The following HIC1 variants were observed in gnomAD, a reference collection of about 807,000 sequenced individuals.
The protein encoded by HIC1 is hypermethylated in cancer 1 protein.
In HIC1, 9 loss-of-function variants were observed where a neutral mutation model predicts 26.4. The ratio of observed to expected loss-of-function variants is 0.34; its 90% confidence interval spans 0.21 to 0.59. HIC1 has a LOEUF of 0.59. Ranked by LOEUF, HIC1 falls within the 20% of genes least tolerant of loss-of-function variation. The probability of loss-of-function intolerance (pLI) is 0.82; values close to 1 mark genes in which losing one functional copy is unlikely to be tolerated. For missense variants in HIC1, 965 were observed against 1,075.7 expected, an observed-to-expected ratio of 0.90 and a Z score of 1.44; for synonymous variants, 631 against 523.1, an observed-to-expected ratio of 1.21 and a Z score of -2.81.
chr17:2,058,484 C>A lies in HIC1; in HGVS notation c.1794C>A (p.Gly598=), dbSNP rs1173670769. The change falls in exon 2 of 2, where the codon GGC becomes GGA. Residue 598 remains glycine, a synonymous_variant. Coordinates refer to ENST00000619757, the MANE Select transcript of HIC1 (RefSeq NM_006497.4). ...ACATGAAGATGCACGCCGTGGGGGG[C>A]GCGGCCGGCGCGGCCGGGGCGCTGG... ...ISHMKMHAVG[G]AAGAAGALAG... The A allele has an allele frequency of 2.7e-6, 4 of 1,475,450 alleles. No individual in the cohort carries two copies. Among genetic ancestry groups the A allele is most frequent in the Non-Finnish European group, 8.9e-7 (1 of 1,122,646 alleles). 91.4% of individuals were successfully genotyped at this position (1,475,450 alleles called of 1,614,324 possible).
In HIC1 at chr17:2,061,704, G is replaced by A. The variant is rs945435028; in HGVS notation, c.*2869G>A. The stretch of plus-strand genomic sequence containing the variant: ...TGCTCTTCTCACCCTGGAGAATGTG[G>A]TCCTGGGGAGGGGGTGCCACGCTAG... On this transcript the variant is annotated 3_prime_UTR_variant, in exon 2 of 2. Coordinates refer to ENST00000619757, the MANE Select transcript of HIC1 (RefSeq NM_006497.4). 2.7e-6 allele frequency: 4 copies of A among 1,462,642 alleles called. No homozygotes were observed. The African/African-American group carries it at 4.2e-5, about 15-fold the overall frequency. 90.6% of individuals were successfully genotyped at this position (1,462,642 alleles called of 1,614,324 possible).
chr17:2,056,961 G>T lies in HIC1; in HGVS notation c.271G>T (p.Ala91Ser), dbSNP rs756281134. The T allele has an allele frequency of 6.3e-7, 1 of 1,596,654 alleles. No individual in the cohort carries two copies. The highest frequency in any genetic ancestry group is 1.1e-5 in the South Asian group (1 of 89,186). The part of the protein sequence containing the change: ...FIYTGRLADG[A>S]EAAAAAAVAP... ...CTACACCGGCCGCCTGGCTGACGGC[G>T]CAGAGGCGGCTGCGGCCGCGGCCGT... Residue 91 changes from alanine to serine, a missense_variant, in exon 2 of 2, where the codon GCA becomes TCA. Physicochemically the swap from Ala to Ser is moderately conservative, Grantham distance 99 (BLOSUM62 1). Coordinates refer to ENST00000619757, the MANE Select transcript of HIC1 (RefSeq NM_006497.4).
In HIC1 at chr17:2,057,929, C is replaced by T. The variant is rs199689510; in HGVS notation, c.1239C>T (p.Phe413=). ...TGGCCTATGGCGAGCCCGAGAGCTT[C>T]GGTGACAACCTGTACGTGTGCATTC... ...PHLAYGEPES[F]GDNLYVCIPC... The change falls in exon 2 of 2, where the codon TTC becomes TTT. Residue 413 remains phenylalanine, a synonymous_variant. Transcript: ENST00000619757. 2.1e-4 allele frequency: 334 copies of T among 1,609,908 alleles called. 1 individual carries two copies. In the East Asian group the frequency reaches 2.9e-3, roughly 14 times the overall value.
chr17:2,061,365 G>T lies in HIC1; in HGVS notation c.*2530G>T. The T allele has an allele frequency of 1.1e-6, 1 of 941,594 alleles. No homozygotes were observed. The highest frequency in any genetic ancestry group is 1.6e-6 in the Non-Finnish European group (1 of 637,522). The allele number at this position is 941,594 out of a possible 1,614,324, so 58.3% of individuals were successfully genotyped here. A position where few individuals can be genotyped will look rare whatever the true frequency, so the allele number is the denominator to read the frequency against. ...CCACAGCATGGCCGTGGCGTGGGTT[G>T]GAAGAGGATGGTTTATTGTCTGGGT... is the stretch of plus-strand genomic sequence containing the variant. On this transcript the variant is annotated 3_prime_UTR_variant, in exon 2 of 2. Transcript: ENST00000619757.
At position 2,062,000 on chromosome 17, in the gene HIC1, C is replaced by T. The variant is rs73976191; in HGVS notation, c.*3165C>T. ...TCACAACACCGCTCTCCCCACACCC[C>T]ACTTTTTTTTTTTTAACAAGTCCTC... On this transcript the variant is annotated 3_prime_UTR_variant, in exon 2 of 2. Coordinates refer to ENST00000619757, the MANE Select transcript of HIC1 (RefSeq NM_006497.4). The T allele has an allele frequency of 0.014, 2,271 of 160,942 alleles. 63 individuals carry two copies. The highest frequency in any genetic ancestry group is 0.052 in the African/African-American group (2,171 of 41,624). 10.0% of individuals were successfully genotyped at this position (160,942 alleles called of 1,614,324 possible). A position where few individuals can be genotyped will look rare whatever the true frequency, so the allele number is the denominator to read the frequency against.
In HIC1 at chr17:2,057,007, G is replaced by T; in HGVS notation, c.317G>T (p.Ser106Ile). Residue 106 changes from serine to isoleucine, a missense_variant, in exon 2 of 2, where the codon AGC becomes ATC. Ser to Ile is a moderately radical substitution (Grantham distance 142). This residue lies in a region of HIC1 where 526 missense variants were observed against 525.0 expected (regional missense o/e 1.00). Coordinates refer to ENST00000619757, the MANE Select transcript of HIC1 (RefSeq NM_006497.4). ...GCCGTGGCCCCGGGGGCTGAGCCGA[G>T]CCTGGGCGCCGTGCTGGCCGCCGCC... is the stretch of plus-strand genomic sequence containing the variant. ...AAAVAPGAEP[S>I]LGAVLAAASY... The T allele has an allele frequency of 6.6e-7, 1 of 1,509,470 alleles. No homozygotes were observed. The highest frequency in any genetic ancestry group is 8.8e-7 in the Non-Finnish European group (1 of 1,134,010). The allele number at this position is 1,509,470 out of a possible 1,614,324, so 93.5% of individuals were successfully genotyped here.
In HIC1 at chr17:2,058,424, C is replaced by T. The variant is rs1414876849; in HGVS notation, c.1734C>T (p.Gly578=). 2 of 1,606,312 alleles carry T rather than the reference C, an allele frequency of 1.2e-6. No individual in the cohort carries two copies. Among genetic ancestry groups the T allele is most frequent in the East Asian group, 2.2e-5 (1 of 44,448 alleles). ...AGCCCTACGAGTGCCAGGTGTGCGG[C>T]GGCAAGTTCGCACAGCAACGCAACC... The part of the protein sequence containing the change: ...GEKPYECQVC[G]GKFAQQRNLI... The change falls in exon 2 of 2, where the codon GGC becomes GGT. Residue 578 remains glycine, a synonymous_variant. Transcript: ENST00000619757.
intron 1 of HIC1, chr17:2,056,305 C>T: frequency 6.2e-6 from 10 of 1,613,036 alleles, no homozygotes; most frequent in Non-Finnish European, 7.6e-6. Context: ...AGTTCTCCGC[C>T]CTGAATGACT....
Position 2,058,616 on chromosome 17 carries a change from C to CCT in HIC1, c.1927_1928dup (p.Lys644Ter). 6.4e-7 allele frequency: 1 copy of CCT among 1,560,728 alleles called. No homozygotes were observed. The highest frequency in any genetic ancestry group is 8.6e-7 in the Non-Finnish European group (1 of 1,160,948). On this transcript the variant is annotated frameshift_variant, in exon 2 of 2. Transcript: ENST00000619757. LOFTEE classifies it high-confidence loss of function. Reference sequence around the variant, plus strand: ...CTCGCCTCACGGCCGAGCAGCTGAGCCTGAAGCAGCAGGACAAGGCGGCCG... The same window carrying CCT: ...CTCGCCTCACGGCCGAGCAGCTGAGCCTCTGAAGCAGCAGGACAAGGCGGCCG...
chr17:2,062,209 G>A lies in HIC1; in HGVS notation c.*3374G>A, dbSNP rs956428799. The A allele has an allele frequency of 6.6e-6, 1 of 152,604 alleles. No individual in the cohort carries two copies. Among genetic ancestry groups the A allele is most frequent in the African/African-American group, 2.4e-5 (1 of 41,454 alleles). The allele number at this position is 152,604 out of a possible 1,614,324, so 9.5% of individuals were successfully genotyped here. ...GGCACACCAAGGCTTTGGCCAACCG[G>A]TCGCCCCTGCTAAGTAACAGTAATC... On this transcript the variant is annotated 3_prime_UTR_variant, in exon 2 of 2. Transcript: ENST00000619757.
chr17:2,056,157 G>A (rs577309045), intron 1 of HIC1: 2 of 557,492 alleles, frequency 3.6e-6, no homozygotes, highest in African/African-American at 3.9e-5. Context: ...CCCGACCGAG[G>A]GTTGACAGCC....
rs1418172148 is a variant in HIC1, at chr17:2,060,710, G to A, written c.*1875G>A. 2 of 152,470 alleles carry A rather than the reference G, an allele frequency of 1.3e-5. No individual in the cohort carries two copies. The highest frequency in any genetic ancestry group is 4.8e-5 in the African/African-American group (2 of 41,426). The allele number at this position is 152,470 out of a possible 1,614,324, so 9.4% of individuals were successfully genotyped here. A position where few individuals can be genotyped will look rare whatever the true frequency, so the allele number is the denominator to read the frequency against. On this transcript the variant is annotated 3_prime_UTR_variant, in exon 2 of 2. Coordinates refer to ENST00000619757, the MANE Select transcript of HIC1 (RefSeq NM_006497.4). ...GAAGAGGAAGCTAGACGGAAAGAAA[G>A]GCCAGTGAGGAGAGAGGGAGCAGGT...
chr17:2,059,195 C>A lies in HIC1; in HGVS notation c.*360C>A. On this transcript the variant is annotated 3_prime_UTR_variant, in exon 2 of 2. Coordinates refer to ENST00000619757, the MANE Select transcript of HIC1 (RefSeq NM_006497.4). ...GTGTCACTGTCGGGGCACTCCTAGC[C>A]CTACCTCCGGCCCTTGCGACCACAC... 1 of 235,874 alleles carries A rather than the reference C, an allele frequency of 4.2e-6. No individual in the cohort carries two copies. The highest frequency in any genetic ancestry group is 9.6e-5 in the East Asian group (1 of 10,466). The allele number at this position is 235,874 out of a possible 1,614,324, so 14.6% of individuals were successfully genotyped here. A position where few individuals can be genotyped will look rare whatever the true frequency, so the allele number is the denominator to read the frequency against.
At position 2,058,100 on chromosome 17, in the gene HIC1, C is replaced by G; in HGVS notation, c.1410C>G (p.Gly470=). Residue 470 remains glycine (G), a synonymous_variant, in exon 2 of 2, where the codon GGC becomes GGG. Transcript: ENST00000619757. ...AAGLGPPFGG[G]GDKVAGAPGG... ...GCCTAGGGCCCCCTTTTGGAGGCGGCGGGGACAAGGTCGCCGGGGCTCCGG... is the reference window on the plus strand; with the variant it reads ...GCCTAGGGCCCCCTTTTGGAGGCGGGGGGGACAAGGTCGCCGGGGCTCCGG... The G allele has an allele frequency of 6.3e-7, 1 of 1,592,304 alleles. No individual in the cohort carries two copies. Among genetic ancestry groups the G allele is most frequent in the Non-Finnish European group, 8.5e-7 (1 of 1,172,712 alleles).
In HIC1 at chr17:2,061,185, G is replaced by T; in HGVS notation, c.*2350G>T. The T allele has an allele frequency of 3.3e-6, 1 of 302,244 alleles. No individual in the cohort carries two copies. Among genetic ancestry groups the T allele is most frequent in the Non-Finnish European group, 6.4e-6 (1 of 155,412 alleles). The allele number at this position is 302,244 out of a possible 1,614,324, so 18.7% of individuals were successfully genotyped here. A position where few individuals can be genotyped will look rare whatever the true frequency, so the allele number is the denominator to read the frequency against. On this transcript the variant is annotated 3_prime_UTR_variant, in exon 2 of 2. Transcript: ENST00000619757. Reference sequence around the variant, plus strand: ...CTCCCTCAGCCTTGGAATGAGACGGGGGAGGGAGAAAGGCTGAGAGCATGG... The same window carrying T: ...CTCCCTCAGCCTTGGAATGAGACGGTGGAGGGAGAAAGGCTGAGAGCATGG...
rs1487479330 is a variant in HIC1, at chr17:2,057,759, C to A, written c.1069C>A (p.Pro357Thr). 7.1e-7 allele frequency: 1 copy of A among 1,412,208 alleles called. No individual in the cohort carries two copies. The allele number at this position is 1,412,208 out of a possible 1,614,324, so 87.5% of individuals were successfully genotyped here. Residue 357 changes from proline (P) to threonine (T), a missense_variant, in exon 2 of 2, where the codon CCG (proline) becomes ACG (threonine). Physicochemically the swap from Pro to Thr is conservative, Grantham distance 38. This residue lies in a region of HIC1 where 526 missense variants were observed against 525.0 expected (regional missense o/e 1.00). Coordinates refer to ENST00000619757, the MANE Select transcript of HIC1 (RefSeq NM_006497.4). ...CGGGGGGCCCCCGCTCGGCCTGGCG[C>A]CGCCGCCGCGCTACCCTGGCAGCCT... ...SPGGPPLGLA[P>T]PPRYPGSLDG...
rs1038869055 is a variant in HIC1 at position 2,057,196 on chromosome 17, G to A, written c.506G>A (p.Cys169Tyr). 69 of 1,385,330 alleles carry A rather than the reference G, an allele frequency of 5.0e-5. No homozygotes were observed. Among genetic ancestry groups the A allele is most frequent in the Non-Finnish European group, 6.2e-5 (67 of 1,072,350 alleles). The allele number at this position is 1,385,330 out of a possible 1,614,324, so 85.8% of individuals were successfully genotyped here. The change falls in exon 2 of 2, where the codon TGC (cysteine) becomes TAC (tyrosine). Residue 169 changes from cysteine to tyrosine, a missense_variant. Physicochemically the swap from Cys to Tyr is radical, Grantham distance 194. Coordinates refer to ENST00000619757, the MANE Select transcript of HIC1 (RefSeq NM_006497.4). ...GCCGCCACGCCGGTCATCCAGGCCT[G>A]CTACCCGTCCCCAGTCGGGCCTCCG... Reference protein sequence around the residue: ...LRAATPVIQACYPSPVGPPPP... With the variant: ...LRAATPVIQAYYPSPVGPPPP...
Position 2,058,729 on chromosome 17 carries a change from C to T in HIC1, c.2039C>T (p.Ala680Val). Reference protein sequence around the residue: ...ESLYPLAKFTAELGLSPDKAA... With the variant: ...ESLYPLAKFTVELGLSPDKAA... Reference sequence around the variant, plus strand: ...CTCTACCCGCTGGCCAAGTTCACGGCCGAGCTGGGCCTCAGCCCCGACAAG... The same window carrying T: ...CTCTACCCGCTGGCCAAGTTCACGGTCGAGCTGGGCCTCAGCCCCGACAAG... The change falls in exon 2 of 2, where the codon GCC becomes GTC. Residue 680 changes from alanine (A) to valine (V), a missense_variant. By Grantham distance (64) the Ala-to-Val change is moderately conservative (BLOSUM62 0). This residue lies in a region of HIC1 where 210 missense variants were observed against 179.2 expected (regional missense o/e 1.17). Transcript: ENST00000619757. 2 of 1,531,904 alleles carry T rather than the reference C, an allele frequency of 1.3e-6. No homozygotes were observed. The highest frequency in any genetic ancestry group is 1.7e-6 in the Non-Finnish European group (2 of 1,143,488). The allele number at this position is 1,531,904 out of a possible 1,614,324, so 94.9% of individuals were successfully genotyped here.
Position 2,057,143 on chromosome 17 carries a change from C to A in HIC1, c.453C>A (p.Pro151=). Residue 151 remains proline, a synonymous_variant, in exon 2 of 2, where the codon CCC becomes CCA. Coordinates refer to ENST00000619757, the MANE Select transcript of HIC1 (RefSeq NM_006497.4). ...GGGGGGGGYA[P]YGRPGRGLRA... is the part of the protein sequence containing the mutation. ...GCGGCGGCGGCGGCGGCTACGCGCC[C>A]TATGGTCGGCCGGGCCGGGGCCTGC... 1 of 1,316,052 alleles carries A rather than the reference C, an allele frequency of 7.6e-7. No individual in the cohort carries two copies. Among genetic ancestry groups the A allele is most frequent in the Non-Finnish European group, 9.6e-7 (1 of 1,041,794 alleles). The allele number at this position is 1,316,052 out of a possible 1,614,324, so 81.5% of individuals were successfully genotyped here. A position where few individuals can be genotyped will look rare whatever the true frequency, so the allele number is the denominator to read the frequency against.
Sources: allele counts gnomAD v4.1 joint callset, GRCh38; gene constraint gnomAD v4.1.1; regional missense constraint gnomAD v4.1.1; transcripts MANE v1.5; gene names NCBI Gene and HGNC (gene_info 2026-07-23, HGNC 2026-07-21).